The following PKNOX2 variants were observed in gnomAD, a reference collection of about 807,000 sequenced individuals.
PKNOX2 encodes the protein PBX/knotted 1 homeobox 2.
A neutral mutation model predicts 53.1 loss-of-function variants in PKNOX2; 14 were observed. That is an observed-to-expected ratio of 0.26 (90% CI 0.17 to 0.41). PKNOX2 has a LOEUF of 0.41. Among genes scored for constraint, PKNOX2 ranks in the 10% least tolerant of loss-of-function variants. The pLI is 1.00. For synonymous variants in PKNOX2, 257 were observed against 242.8 expected, an observed-to-expected ratio of 1.06 and a Z score of -0.54; for missense variants, 496 against 602.8, an observed-to-expected ratio of 0.82 and a Z score of 1.85.
chr11:125,312,653 G>A (rs1037469781), intron 2 of PKNOX2, among the ~76,000 whole-genome samples: 1 of 152,166 alleles, frequency 6.6e-6, no homozygotes, highest in Non-Finnish European at 1.5e-5. Flanking sequence ...CGCACGGCAG[G>A]CACTCTGAGC....
chr11:125,302,501 C>T (rs1948145218), intron 2 of PKNOX2, among the ~76,000 whole-genome samples: 1 of 152,246 alleles, frequency 6.6e-6, no homozygotes, highest in African/African-American at 2.4e-5. Context: ...CTGCTGGACT[C>T]ACAGGCTTCT....
rs569682387 is a variant in PKNOX2, at chr11:125,302,257, G to T, written c.-129-29562G>T. ...GATGTAAATTGAAAGGCCACATTCA[G>T]CCTGGACCTAGAAGTTGGGCCTGGA... On this transcript the variant is annotated intron_variant, in intron 2 of 12. Coordinates refer to ENST00000298282, the MANE Select transcript of PKNOX2 (RefSeq NM_001382323.2). Among the ~76,000 whole-genome samples, 224 of 152,306 alleles carry T rather than the reference G, an allele frequency of 1.5e-3. 4 individuals are homozygous for T. Among genetic ancestry groups the T allele is most frequent in the African/African-American group, 3.0e-3 (124 of 41,560 alleles).
At position 125,240,478 on chromosome 11, in the gene PKNOX2, A is replaced by G. The variant is rs1251420955; in HGVS notation, c.-130+5363A>G. Among the ~76,000 whole-genome samples the G allele has an allele frequency of 6.6e-6, 1 of 151,950 alleles. No homozygotes were observed. The highest frequency in any genetic ancestry group is 2.4e-5 in the African/African-American group (1 of 41,360). On this transcript the variant is annotated intron_variant, in intron 2 of 12. Transcript: ENST00000298282. The surrounding 1 kb of genome is among the most constrained non-coding windows in gnomAD (Gnocchi z 4.3). ...GGGAAGGAGGGATGGGAGGGAGGAGAGAGAAGAGGTGGAAAGGGAGAGAGA... is the reference window on the plus strand; with the variant it reads ...GGGAAGGAGGGATGGGAGGGAGGAGGGAGAAGAGGTGGAAAGGGAGAGAGA...
chr11:125,178,641 A>G (rs56254679), intron 1 of PKNOX2, among the ~76,000 whole-genome samples: 4,058 of 47,702 alleles, frequency 0.085, 118 homozygotes, highest in Non-Finnish European at 0.099. Context: ...AAAGAAAGAA[A>G]GAAAGAAGGA....
chr11:125,205,438 G>A (rs1026506286), intron 1 of PKNOX2, among the ~76,000 whole-genome samples: 1 of 152,178 alleles, frequency 6.6e-6, no homozygotes, highest in African/African-American at 2.4e-5. Flanking sequence ...TGATCACGGA[G>A]GGCAAAGATA....
At chr11:125,209,492 G>T (rs1316963962) in intron 1 of PKNOX2, among the ~76,000 whole-genome samples, 1 of 151,830 alleles carries the variant, frequency 6.6e-6, no homozygotes, top group African/African-American at 2.4e-5. Flanking sequence ...GGAGAAGGAG[G>T]GTTCTGCTTT....
chr11:125,251,733 A>C (rs1210346202), intron 2 of PKNOX2, among the ~76,000 whole-genome samples: 6 of 151,162 alleles, frequency 4.0e-5, no homozygotes, highest in African/African-American at 1.2e-4. Context: ...CAACCCCCAG[A>C]TGGATTCATG....
At chr11:125,369,001 CAT>C (rs1284344958) in intron 5 of PKNOX2, among the ~76,000 whole-genome samples, 3 of 152,202 alleles carry the variant, frequency 2.0e-5, no homozygotes, top group Non-Finnish European at 2.9e-5. Flanking sequence ...ATGCCAGTAA[CAT>C]GTGGAATGAT....
chr11:125,206,885 G>A (rs1306239781), intron 1 of PKNOX2, among the ~76,000 whole-genome samples: 1 of 151,968 alleles, frequency 6.6e-6, no homozygotes, highest in Non-Finnish European at 1.5e-5. Context: ...GGATGAACGT[G>A]GGCAAGACCA....
In PKNOX2 at chr11:125,183,480, G is replaced by T. The variant is rs1956271725; in HGVS notation, c.-201+18704G>T. On this transcript the variant is annotated intron_variant, in intron 1 of 12. Transcript: ENST00000298282. The stretch of plus-strand genomic sequence containing the variant: ...ATCCACCCGCCTCGGCCTCCCAAAG[G>T]ATGAATCCTTTTTCTGACAGTAGCT... Among the ~76,000 whole-genome samples, 2 of 151,908 alleles carry T rather than the reference G, an allele frequency of 1.3e-5. 1 individual carries two copies. The highest frequency in any genetic ancestry group is 2.9e-5 in the Non-Finnish European group (2 of 67,978).
At chr11:125,192,171 C>G (rs781465087) in intron 1 of PKNOX2, among the ~76,000 whole-genome samples, 40 of 152,094 alleles carry the variant, frequency 2.6e-4, no homozygotes, top group Non-Finnish European at 4.9e-4. Context: ...TCCAGCAGGT[C>G]TCTCTGAGTC....
rs962753605 is a variant in PKNOX2 at position 125,373,882 on chromosome 11, G to A, written c.227+5897G>A. ...GACCGCAGAGCTTCAGGCCTGCAGT[G>A]TAGCGTGGGAGAGTTGCACTGCTTT... On this transcript the variant is annotated intron_variant, in intron 5 of 12. Coordinates refer to ENST00000298282, the MANE Select transcript of PKNOX2 (RefSeq NM_001382323.2). Among the ~76,000 whole-genome samples, 29 of 152,216 alleles carry A rather than the reference G, an allele frequency of 1.9e-4. 1 individual carries two copies. Among genetic ancestry groups the A allele is most frequent in the Admixed American group, 6.5e-5 (1 of 15,282 alleles).
In PKNOX2 at chr11:125,431,444, GAGGCCTTCA is replaced by G; in HGVS notation, c.*53_*61del. The G allele has an allele frequency of 2.5e-6, 2 of 811,258 alleles. No individual in the cohort carries two copies. Among genetic ancestry groups the G allele is most frequent in the South Asian group, 1.7e-5 (1 of 59,290 alleles). 50.3% of individuals were successfully genotyped at this position (811,258 alleles called of 1,614,324 possible). ...CTGAGCAGGAGAGGAGTGTCGCCGG[GAGGCCTTCA>G]GGGTGGGGGGGAAGGGGACATGGGC... On this transcript the variant is annotated 3_prime_UTR_variant, in exon 13 of 13. Coordinates refer to ENST00000298282, the MANE Select transcript of PKNOX2 (RefSeq NM_001382323.2).
intron 10 of PKNOX2, among the ~76,000 whole-genome samples, chr11:125,418,683 T>C (rs918450080): frequency 3.3e-5 from 5 of 152,000 alleles, no homozygotes; most frequent in African/African-American, 2.4e-5. Flanking sequence ...CGCAGAGCAT[T>C]GTGTTAAGTC....
At chr11:125,229,152 G>C (rs114234374) in intron 1 of PKNOX2, among the ~76,000 whole-genome samples, 5 of 152,116 alleles carry the variant, frequency 3.3e-5, no homozygotes, top group African/African-American at 1.2e-4. Flanking sequence ...AGCTGAGTAC[G>C]GCACAGCTGA....
At chr11:125,354,111 C>A (rs1251767622) in intron 4 of PKNOX2, among the ~76,000 whole-genome samples, 1 of 152,212 alleles carries the variant, frequency 6.6e-6, no homozygotes. Context: ...GCACTTTCTG[C>A]AAACTTGCAT....
At chr11:125,308,591 CG>C (rs566866279) in intron 2 of PKNOX2, among the ~76,000 whole-genome samples, 2 of 152,300 alleles carry the variant, frequency 1.3e-5, no homozygotes, top group South Asian at 4.2e-4. Flanking sequence ...TCACAGGACT[CG>C]GGGGAGGCTT....
intron 6 of PKNOX2, among the ~76,000 whole-genome samples, chr11:125,393,253 T>C (rs1954187374): frequency 6.6e-6 from 1 of 151,880 alleles, no homozygotes; most frequent in South Asian, 2.1e-4. Flanking sequence ...TAAGACTCAA[T>C]ACTTGTTGAA....
chr11:125,279,745 G>A lies in PKNOX2; in HGVS notation c.-130+44630G>A, dbSNP rs112184628. ...CACCCAGAGTAGGATGCCAGTGAACGTGGCCCCAATGAGCTGGCTCCTGCC... is the reference window on the plus strand; with the variant it reads ...CACCCAGAGTAGGATGCCAGTGAACATGGCCCCAATGAGCTGGCTCCTGCC... On this transcript the variant is annotated intron_variant, in intron 2 of 12. Transcript: ENST00000298282. Among the ~76,000 whole-genome samples the A allele has an allele frequency of 2.3e-3, 353 of 152,328 alleles. 1 individual carries two copies. Among genetic ancestry groups the A allele is most frequent in the South Asian group, 9.1e-3 (44 of 4,826 alleles).
Sources: allele counts gnomAD v4.1 joint callset (sites outside exome capture counted in the v4.1 genomes callset), GRCh38; gene constraint gnomAD v4.1.1; non-coding constraint Gnocchi (gnomAD v3.1); transcripts MANE v1.5; gene names NCBI Gene and HGNC (gene_info 2026-07-23, HGNC 2026-07-21).